CLDN10: variants seen among roughly 807,000 people sequenced by gnomAD.
CLDN10 encodes the protein claudin-10.
CLDN10 carries 15 observed loss-of-function variants against 22.9 expected under a neutral mutation model. That is an observed-to-expected ratio of 0.65 (90% CI 0.44 to 1.01). The LOEUF is 1.01. CLDN10 is among the 50% of genes least tolerant of loss of function. The pLI, the probability that CLDN10 is intolerant of heterozygous loss-of-function variation, is 0.00. For synonymous variants in CLDN10, 114 were observed against 111.4 expected (o/e 1.02, Z -0.15); for missense variants, 247 against 287.8 (o/e 0.86, Z 1.03).
At chr13:95,530,383 C>T (rs558928702) in intron 1 of CLDN10, among the ~76,000 whole-genome samples, 16 of 152,286 alleles carry the variant, frequency 1.1e-4, no homozygotes, top group African/African-American at 3.1e-4. Flanking sequence ...AGGTTGTAAG[C>T]GGTTGGGCAA....
chr13:95,505,785 C>T (rs902383793), intron 1 of CLDN10, among the ~76,000 whole-genome samples: 16 of 127,180 alleles, frequency 1.3e-4, no homozygotes, highest in Non-Finnish European at 1.1e-4. Context: ...GACGGAGTCT[C>T]GCTCTGTCGT....
At chr13:95,552,299 C>A (rs1398015732), upstream of CLDN10, among the ~76,000 whole-genome samples, 1 of 149,616 alleles carries the variant, frequency 6.7e-6, no homozygotes, top group African/African-American at 2.5e-5. Flanking sequence ...CCTTTCAGGG[C>A]ATGCAAAAGG....
chr13:95,521,235 T>C (rs942985055), intron 1 of CLDN10, among the ~76,000 whole-genome samples: 1 of 152,206 alleles, frequency 6.6e-6, no homozygotes, highest in Non-Finnish European at 1.5e-5. Context: ...GAAGTGACAA[T>C]AGTATGCATC....
chr13:95,548,275 A>T (rs578255098), upstream of CLDN10, among the ~76,000 whole-genome samples: 129 of 152,184 alleles, frequency 8.5e-4, no homozygotes, highest in Middle Eastern at 3.4e-3. Context: ...CCCAAACCTT[A>T]CCCCTCCCCT....
intron 1 of CLDN10, among the ~76,000 whole-genome samples, chr13:95,516,801 A>G (rs186207985): frequency 2.0e-5 from 3 of 152,272 alleles, no homozygotes; most frequent in Admixed American, 2.0e-4. Flanking sequence ...CATCTTTAAT[A>G]TAAGTTTCTG....
rs866433221 is a variant in CLDN10 at position 95,553,031 on chromosome 13, G to A, written c.220+58G>A. On this transcript the variant is annotated intron_variant, in intron 1 of 4. Coordinates refer to ENST00000299339, the MANE Select transcript of CLDN10 (RefSeq NM_006984.5). Reference sequence around the variant, plus strand: ...TCCTTCCTTGATGGCCAGCCCGCTAGGCGCCCTCTCGCCCCCAATACCCCC... The same window carrying A: ...TCCTTCCTTGATGGCCAGCCCGCTAAGCGCCCTCTCGCCCCCAATACCCCC... 1.9e-5 allele frequency: 30 copies of A among 1,592,170 alleles called. 1 individual carries two copies. The African/African-American group carries it at 2.9e-4, about 16-fold the overall frequency.
intron 1 of CLDN10, among the ~76,000 whole-genome samples, chr13:95,460,644 G>A (rs1032059180): frequency 7.9e-5 from 12 of 152,100 alleles, no homozygotes; most frequent in African/African-American, 2.4e-4. Flanking sequence ...AAGATTTTAC[G>A]AGGATTATGG....
chr13:95,436,738 G>A (rs117475440), intron 1 of CLDN10, among the ~76,000 whole-genome samples: 1,779 of 152,218 alleles, frequency 0.012, 19 homozygotes, highest in Middle Eastern at 0.048. Context: ...CAAAGAAAAC[G>A]GGGATTCACA....
chr13:95,482,379 C>G (rs983412798), intron 1 of CLDN10, among the ~76,000 whole-genome samples: 1 of 152,132 alleles, frequency 6.6e-6, no homozygotes, highest in African/African-American at 2.4e-5. Context: ...AAGTCAGGCG[C>G]CGTGCACAGC....
chr13:95,552,628 T>C, upstream of CLDN10: 1 of 1,180,996 alleles, frequency 8.5e-7, no homozygotes, highest in Non-Finnish European at 1.1e-6. Flanking sequence ...CCGGGTCCGC[T>C]GGGCGGGGTG....
chr13:95,521,366 T>C (rs959925925), intron 1 of CLDN10, among the ~76,000 whole-genome samples: 1 of 152,236 alleles, frequency 6.6e-6, no homozygotes, highest in South Asian at 2.1e-4. Flanking sequence ...TATTCCTTTT[T>C]TGATAAGATT....
chr13:95,496,047 C>G (rs182210952), intron 1 of CLDN10, among the ~76,000 whole-genome samples: 1 of 152,192 alleles, frequency 6.6e-6, no homozygotes, highest in East Asian at 1.9e-4. Context: ...CCAGATGTTC[C>G]GGAATATTTG....
intron 1 of CLDN10, among the ~76,000 whole-genome samples, chr13:95,528,936 T>G (rs2043312926): frequency 6.6e-6 from 1 of 152,210 alleles, no homozygotes; most frequent in South Asian, 2.1e-4. Flanking sequence ...GAATTGGTTG[T>G]CTACAGAGAG....
chr13:95,447,005 G>C (rs2042387293), intron 1 of CLDN10, among the ~76,000 whole-genome samples: 2 of 152,112 alleles, frequency 1.3e-5, no homozygotes, highest in African/African-American at 4.8e-5. Flanking sequence ...AGTGATGGCG[G>C]GGGCAGGGGG....
intron 3 of CLDN10, among the ~76,000 whole-genome samples, chr13:95,565,512 G>A (rs561264465): frequency 4.6e-5 from 7 of 152,130 alleles, no homozygotes; most frequent in South Asian, 2.1e-4. Context: ...AAATCATGTC[G>A]CACTTCTCAT....
At chr13:95,446,577 C>T (rs1167436617) in intron 1 of CLDN10, among the ~76,000 whole-genome samples, 1 of 152,218 alleles carries the variant, frequency 6.6e-6, no homozygotes, top group East Asian at 1.9e-4. Context: ...CGCAGTGGCT[C>T]ACGCCTGTAA....
chr13:95,480,161 C>G (rs532550083), intron 1 of CLDN10, among the ~76,000 whole-genome samples: 1 of 152,072 alleles, frequency 6.6e-6, no homozygotes, highest in Non-Finnish European at 1.5e-5. Flanking sequence ...GTGAGACTCA[C>G]GATCACAAAA....
chr13:95,483,994 G>A (rs529053579), intron 1 of CLDN10, among the ~76,000 whole-genome samples: 2 of 152,258 alleles, frequency 1.3e-5, no homozygotes, highest in South Asian at 4.1e-4. Flanking sequence ...CACCACATGA[G>A]GATACAGTAA....
chr13:95,520,466 T>C (rs191317546), intron 1 of CLDN10, among the ~76,000 whole-genome samples: 21 of 152,232 alleles, frequency 1.4e-4, no homozygotes, highest in African/African-American at 4.3e-4. Flanking sequence ...CTCTGCCTCC[T>C]GGGTTCAAGC....
Sources: allele counts gnomAD v4.1 joint callset (sites outside exome capture counted in the v4.1 genomes callset), GRCh38; gene constraint gnomAD v4.1.1; transcripts MANE v1.5; gene names NCBI Gene and HGNC (gene_info 2026-07-23, HGNC 2026-07-21).